AP2B1: variants seen among roughly 807,000 people sequenced by gnomAD.
AP2B1 encodes AP-2 complex subunit beta.
A neutral mutation model predicts 102.0 loss-of-function variants in AP2B1; 23 were observed. That is an observed-to-expected ratio of 0.23 (90% confidence interval 0.16 to 0.32). AP2B1 has a LOEUF of 0.32. Ranked by LOEUF, AP2B1 falls within the 10% of genes least tolerant of loss-of-function variation. The pLI, the probability that AP2B1 is intolerant of heterozygous loss-of-function variation, is 1.00. For missense variants in AP2B1, 541 were observed against 1,157.4 expected (o/e 0.47, Z 7.73); for synonymous variants, 381 against 421.2 (o/e 0.90, Z 1.17).
chr17:35,613,169 A>G (rs2045739290), intron 5 of AP2B1, among the ~76,000 whole-genome samples: 1 of 150,888 alleles, frequency 6.6e-6, no homozygotes. Flanking sequence ...CTCTTAGAAA[A>G]GAAAAGAATG....
intron 18 of AP2B1, among the ~76,000 whole-genome samples, chr17:35,700,792 C>T (rs587697896): frequency 6.6e-6 from 1 of 152,294 alleles, no homozygotes; most frequent in South Asian, 2.1e-4. Context: ...CTTAAGCTGA[C>T]AGGTTGTTCT....
At chr17:35,714,908 G>A (rs1420148803) in intron 20 of AP2B1, among the ~76,000 whole-genome samples, 5 of 152,090 alleles carry the variant, frequency 3.3e-5, no homozygotes, top group Non-Finnish European at 5.9e-5. Context: ...ATAAGATTCC[G>A]TCCTGTTTCC....
intron 1 of AP2B1, among the ~76,000 whole-genome samples, chr17:35,589,393 C>G (rs576093254): frequency 3.6e-4 from 55 of 152,304 alleles, no homozygotes; most frequent in African/African-American, 1.3e-3. Flanking sequence ...AGTGACTTTA[C>G]AAACTAATTT....
chr17:35,658,728 T>A (rs1184831087), intron 14 of AP2B1, among the ~76,000 whole-genome samples: 1 of 152,196 alleles, frequency 6.6e-6, no homozygotes, highest in Non-Finnish European at 1.5e-5. Flanking sequence ...TATGAAAATA[T>A]GTGTTCCCAG....
At chr17:35,668,121 A>G (rs946811520) in intron 14 of AP2B1, among the ~76,000 whole-genome samples, 2 of 151,848 alleles carry the variant, frequency 1.3e-5, no homozygotes, top group African/African-American at 4.8e-5. Flanking sequence ...TATTTTTAGT[A>G]GAGACGGGTT....
intron 2 of AP2B1, chr17:35,597,130 C>T: frequency 4.0e-6 from 2 of 502,982 alleles, no homozygotes; most frequent in East Asian, 8.5e-5. Flanking sequence ...GAAGCGGAGA[C>T]TGTCCCCACT....
In AP2B1 at chr17:35,726,276, G is replaced by GGA. The variant is rs2085514688; in HGVS notation, c.*2579_*2580dup. ...AGCTTGAGACTCTGGAAAGAAATGG[G>GGA]GAGGGGGGGCAGGGGAAATGTTGCC... On this transcript the variant is annotated 3_prime_UTR_variant, in exon 22 of 22. Coordinates refer to ENST00000610402, the MANE Select transcript of AP2B1 (RefSeq NM_001030006.2). 6.6e-6 allele frequency: 1 copy of GGA among 151,838 alleles called. No individual in the cohort carries two copies. Among genetic ancestry groups the GGA allele is most frequent in the African/African-American group, 2.4e-5 (1 of 41,320 alleles). The allele number at this position is 151,838 out of a possible 1,614,324, so 9.4% of individuals were successfully genotyped here.
chr17:35,603,325 AT>A (rs2073553292), intron 3 of AP2B1, among the ~76,000 whole-genome samples: 1 of 152,312 alleles, frequency 6.6e-6, no homozygotes, highest in Middle Eastern at 3.4e-3. Context: ...TGTGGGGAAG[AT>A]TTATTGCTAA....
chr17:35,616,384 G>T (rs2074021808), intron 5 of AP2B1, among the ~76,000 whole-genome samples: 2 of 151,658 alleles, frequency 1.3e-5, no homozygotes, highest in Non-Finnish European at 2.9e-5. Flanking sequence ...TAGTCAGGAT[G>T]GTCTCAATCT....
At position 35,606,214 on chromosome 17, in the gene AP2B1, A is replaced by G. The variant is rs144182711; in HGVS notation, c.279+374A>G. ...CTGCCGGAGTTTCTACTTTCATTTC[A>G]TTTAATACGTCTTACATCATTTGAT... On this transcript the variant is annotated intron_variant, in intron 4 of 21. Transcript: ENST00000610402. Among the ~76,000 whole-genome samples the G allele has an allele frequency of 8.5e-3, 1,289 of 151,610 alleles. 11 individuals are homozygous for G. Among genetic ancestry groups the G allele is most frequent in the African/African-American group, 0.026 (1,066 of 41,370 alleles).
intron 2 of AP2B1, chr17:35,597,277 T>C: frequency 3.0e-6 from 1 of 332,968 alleles, no homozygotes; most frequent in South Asian, 4.2e-5. Flanking sequence ...GTAGTCAACC[T>C]CTTTTTCATG....
chr17:35,670,952 C>G, intron 15 of AP2B1, 54 bp downstream of exon 15: 1 of 1,572,948 alleles, frequency 6.4e-7, no homozygotes, highest in Non-Finnish European at 8.7e-7. Context: ...TGTTTGATGC[C>G]TTTCCTATGT....
chr17:35,590,033 C>T (rs555363623), intron 1 of AP2B1, among the ~76,000 whole-genome samples: 2 of 148,728 alleles, frequency 1.3e-5, no homozygotes, highest in African/African-American at 5.0e-5. Flanking sequence ...TCACACCATT[C>T]TCCTGTCTCA....
In AP2B1 at chr17:35,720,573, A is replaced by ATTTTT. The variant is rs1208973388; in HGVS notation, c.2782-3029_2782-3025dup. 7.5e-4 allele frequency among the ~76,000 whole-genome samples: 21 copies of ATTTTT among 28,062 alleles called. 1 individual carries two copies. Among genetic ancestry groups the ATTTTT allele is most frequent in the East Asian group, 1.2e-3 (1 of 804 alleles). 18.4% of individuals were successfully genotyped at this position (28,062 alleles called of 152,430 possible). A position where few individuals can be genotyped will look rare whatever the true frequency, so the allele number is the denominator to read the frequency against. ...TATATATATATATATATATATATAT[A>ATTTTT]TTTTTTTTTTTTTTTTTTTTTTTTT... On this transcript the variant is annotated intron_variant, in intron 21 of 21. Coordinates refer to ENST00000610402, the MANE Select transcript of AP2B1 (RefSeq NM_001030006.2).
intron 13 of AP2B1, among the ~76,000 whole-genome samples, chr17:35,655,703 T>A (rs2075202392): frequency 6.6e-6 from 1 of 152,242 alleles, no homozygotes; most frequent in Non-Finnish European, 1.5e-5. Flanking sequence ...TAATTAGCTG[T>A]AGGAGACACT....
intron 10 of AP2B1, among the ~76,000 whole-genome samples, chr17:35,637,278 G>C (rs1259181813): frequency 6.6e-6 from 1 of 152,072 alleles, no homozygotes; most frequent in Non-Finnish European, 1.5e-5. Flanking sequence ...TCCGCCTCCC[G>C]GGTTCAAGTG....
intron 10 of AP2B1, among the ~76,000 whole-genome samples, chr17:35,638,789 GAAAAAA>G (rs11286699): frequency 9.0e-6 from 1 of 110,552 alleles, no homozygotes. Flanking sequence ...ACTCCGTCTT[GAAAAAA>G]AAAAAAAAAA....
chr17:35,594,612 ACAAT>A (rs2073203245), intron 2 of AP2B1, among the ~76,000 whole-genome samples: 2 of 152,210 alleles, frequency 1.3e-5, no homozygotes, highest in Non-Finnish European at 2.9e-5. Flanking sequence ...ATCTTGCAAA[ACAAT>A]GAATAGAAAT....
At chr17:35,597,623 G>A (rs945140623) in intron 2 of AP2B1, among the ~76,000 whole-genome samples, 4 of 152,192 alleles carry the variant, frequency 2.6e-5, no homozygotes, top group African/African-American at 9.7e-5. Context: ...GCTCTTAAAG[G>A]TATAAATATG....
Sources: allele counts gnomAD v4.1 joint callset (sites outside exome capture counted in the v4.1 genomes callset), GRCh38; gene constraint gnomAD v4.1.1; transcripts MANE v1.5; gene names NCBI Gene and HGNC (gene_info 2026-07-23, HGNC 2026-07-21).